Variants in MBNL2 observed in about 807,000 individuals in gnomAD.
The protein encoded by MBNL2 is muscleblind like splicing regulator 2.
Under a neutral mutation model 41.9 loss-of-function variants are expected in MBNL2, and 17 were observed. That is an observed-to-expected ratio of 0.41 (90% CI 0.28 to 0.61). MBNL2 has a LOEUF of 0.61. Ranked by LOEUF, MBNL2 falls within the 20% of genes least tolerant of loss-of-function variation. The pLI is 0.35. For missense variants in MBNL2, 336 were observed against 505.6 expected (o/e 0.66, Z 3.22); for synonymous variants, 195 against 182.9 (o/e 1.07, Z -0.53).
chr13:97,261,156 C>T (rs577553306), intron 1 of MBNL2, among the ~76,000 whole-genome samples: 23 of 151,928 alleles, frequency 1.5e-4, no homozygotes, highest in Admixed American at 1.4e-3. Context: ...AGGAAGCCCC[C>T]GGCTCTTCCC....
At chr13:97,224,335 C>T (rs556271980) in intron 1 of MBNL2, among the ~76,000 whole-genome samples, 269 of 152,232 alleles carry the variant, frequency 1.8e-3, no homozygotes, top group Non-Finnish European at 3.0e-3. Context: ...CACAGATGGC[C>T]CCAAGCAGGG....
At chr13:97,218,443 A>AAACAAAAAC (rs1555302271), upstream of MBNL2, among the ~76,000 whole-genome samples, 1 of 143,454 alleles carries the variant, frequency 7.0e-6, no homozygotes, top group African/African-American at 2.8e-5. Flanking sequence ...AACAAAACAA[A>AAACAAAAAC]AAAAAAAAAC....
At chr13:97,181,905 A>G in the MBNL2 span, among the ~76,000 whole-genome samples, 13 of 152,210 alleles carry the variant, frequency 8.5e-5, no homozygotes, top group Middle Eastern at 3.2e-3. Context: ...GAGAAGTTTT[A>G]GTGCCCAAGA....
intron 1 of MBNL2, among the ~76,000 whole-genome samples, chr13:97,236,156 C>G (rs747450085): frequency 6.6e-6 from 1 of 152,018 alleles, no homozygotes; most frequent in Non-Finnish European, 1.5e-5. Context: ...TTCACGTATT[C>G]TTTCTTCCCC....
chr13:97,248,949 T>C (rs1019623058), intron 1 of MBNL2, among the ~76,000 whole-genome samples: 1 of 152,218 alleles, frequency 6.6e-6, no homozygotes, highest in African/African-American at 2.4e-5. Flanking sequence ...CCATTGTCAC[T>C]CCATTCTTTT....
intron 1 of MBNL2, among the ~76,000 whole-genome samples, chr13:97,239,845 T>A (rs530775200): frequency 4.1e-4 from 62 of 152,310 alleles, no homozygotes; most frequent in Middle Eastern, 3.4e-3. Flanking sequence ...TCTTTGCCCT[T>A]GAGGGCCACT....
Position 97,347,083 on chromosome 13 carries a change from C to A in MBNL2, c.804+16C>A. 2 of 1,524,942 alleles carry A rather than the reference C, an allele frequency of 1.3e-6. No homozygotes were observed. The highest frequency in any genetic ancestry group is 2.4e-5 in the East Asian group (1 of 41,394). 94.5% of individuals were successfully genotyped at this position (1,524,942 alleles called of 1,614,324 possible). On this transcript the variant is annotated intron_variant, in intron 5 of 8. Coordinates refer to ENST00000679496, the MANE Select transcript of MBNL2 (RefSeq NM_001382683.1). ...CACAGTCATGGTAAGTGCGGCCGCC[C>A]GCCGCCCCTGCACCCCGGCGCCTCT...
At chr13:97,201,150 A>G in the MBNL2 span, among the ~76,000 whole-genome samples, 1 of 152,218 alleles carries the variant, frequency 6.6e-6, no homozygotes, top group Admixed American at 6.5e-5. Flanking sequence ...TTAATGATCT[A>G]TCACTTTCTT....
intron 1 of MBNL2, among the ~76,000 whole-genome samples, chr13:97,274,799 A>T (rs980691487): frequency 6.6e-6 from 1 of 152,222 alleles, no homozygotes; most frequent in Admixed American, 6.5e-5. Flanking sequence ...TATTTTAGAC[A>T]TCTGAACTTA....
chr13:97,163,249 G>A, the MBNL2 span, among the ~76,000 whole-genome samples: 1 of 151,946 alleles, frequency 6.6e-6, no homozygotes, highest in African/African-American at 2.4e-5. Flanking sequence ...TTTGTGGTTT[G>A]GAAAAAAGGA....
intron 7 of MBNL2, 72 bp from the exon 8 acceptor site, chr13:97,365,064 T>C (rs530885250): frequency 1.1e-6 from 1 of 946,124 alleles, no homozygotes; most frequent in Admixed American, 1.7e-5. Context: ...TCACTTTGAA[T>C]GTTAACTCTA....
the MBNL2 span, among the ~76,000 whole-genome samples, chr13:97,155,263 A>AT: frequency 6.6e-6 from 1 of 151,692 alleles, no homozygotes; most frequent in East Asian, 1.9e-4. Context: ...GTTAATATAT[A>AT]TTTTTTATAT....
the MBNL2 span, among the ~76,000 whole-genome samples, chr13:97,191,645 G>T: frequency 2.6e-5 from 4 of 152,158 alleles, no homozygotes; most frequent in African/African-American, 4.8e-5. Flanking sequence ...CTGTGTTTTG[G>T]ATTAAAAGGA....
At chr13:97,180,762 A>C in the MBNL2 span, among the ~76,000 whole-genome samples, 1 of 144,328 alleles carries the variant, frequency 6.9e-6, no homozygotes, top group Non-Finnish European at 1.5e-5. Context: ...AAAAAAAAAA[A>C]AACATGTTGT....
At chr13:97,217,017 A>C (rs986454599), upstream of MBNL2, among the ~76,000 whole-genome samples, 2 of 148,448 alleles carry the variant, frequency 1.3e-5, no homozygotes, top group African/African-American at 4.9e-5. Context: ...AGAATATAGA[A>C]TATACATATA....
chr13:97,203,660 C>G, the MBNL2 span, among the ~76,000 whole-genome samples: 1 of 152,168 alleles, frequency 6.6e-6, no homozygotes, highest in African/African-American at 2.4e-5. Flanking sequence ...CACCGCCTGA[C>G]TCTTCATTCT....
chr13:97,370,025 G>A (rs533753336), intron 8 of MBNL2, among the ~76,000 whole-genome samples: 43 of 152,056 alleles, frequency 2.8e-4, no homozygotes, highest in Non-Finnish European at 5.3e-4. Context: ...TCTCTCTCAT[G>A]TAATATATTA....
chr13:97,266,585 T>C (rs1443636226), intron 1 of MBNL2, among the ~76,000 whole-genome samples: 1 of 152,250 alleles, frequency 6.6e-6, no homozygotes, highest in Non-Finnish European at 1.5e-5. Context: ...CGTCTGCATC[T>C]GATAGGCTTA....
At chr13:97,380,248 C>A (rs1329657300) in intron 8 of MBNL2, among the ~76,000 whole-genome samples, 1 of 152,078 alleles carries the variant, frequency 6.6e-6, no homozygotes, top group Non-Finnish European at 1.5e-5. Flanking sequence ...AATTCCAACA[C>A]TTTGGGAGGC....
Sources: allele counts gnomAD v4.1 joint callset (sites outside exome capture counted in the v4.1 genomes callset), GRCh38; gene constraint gnomAD v4.1.1; transcripts MANE v1.5; gene names NCBI Gene and HGNC (gene_info 2026-07-23, HGNC 2026-07-21).